GRM8: variants seen among roughly 807,000 people sequenced by gnomAD.
GRM8 encodes the protein metabotropic glutamate receptor 8.
Under a neutral mutation model 87.2 loss-of-function variants are expected in GRM8, and 47 were observed. The observed-to-expected ratio is 0.54, with a 90% CI of 0.43 to 0.69. GRM8 has a LOEUF of 0.69. GRM8 is among the 30% of genes least tolerant of loss of function. The probability of loss-of-function intolerance (pLI) is 0.00; values close to 1 mark genes in which losing one functional copy is unlikely to be tolerated. For missense variants in GRM8, 1,019 were observed against 1,139.2 expected, an observed-to-expected ratio of 0.89 and a Z score of 1.52; for synonymous variants, 396 against 404.5, an observed-to-expected ratio of 0.98 and a Z score of 0.25.
chr7:126,477,905 G>C (rs1806186221), intron 9 of GRM8, among the ~76,000 whole-genome samples: 1 of 152,050 alleles, frequency 6.6e-6, no homozygotes, highest in Admixed American at 6.6e-5. Context: ...TCAAAATCAA[G>C]GTGTTGGCCA....
chr7:126,515,768 T>C (rs550634281), intron 9 of GRM8, among the ~76,000 whole-genome samples: 2 of 152,214 alleles, frequency 1.3e-5, no homozygotes, highest in East Asian at 3.9e-4. Flanking sequence ...CTCTTCCATA[T>C]CTGAGACACA....
chr7:126,818,029 G>A (rs558424666), intron 6 of GRM8, among the ~76,000 whole-genome samples: 16 of 152,092 alleles, frequency 1.1e-4, no homozygotes, highest in Middle Eastern at 3.4e-3. Context: ...TTGCACATAA[G>A]TCTTAAACTT....
intron 7 of GRM8, among the ~76,000 whole-genome samples, chr7:126,635,305 G>C (rs1225370173): frequency 6.6e-6 from 1 of 152,082 alleles, no homozygotes; most frequent in African/African-American, 2.4e-5. Flanking sequence ...AAGAGTTAAT[G>C]CCTTATAGCT....
chr7:126,473,293 C>T (rs909127357), intron 9 of GRM8, among the ~76,000 whole-genome samples: 1 of 152,188 alleles, frequency 6.6e-6, no homozygotes, highest in African/African-American at 2.4e-5. Flanking sequence ...TACCCAAGAC[C>T]ATGGGAACCC....
At chr7:126,837,729 G>A (rs924725463) in intron 6 of GRM8, among the ~76,000 whole-genome samples, 4 of 152,196 alleles carry the variant, frequency 2.6e-5, no homozygotes, top group African/African-American at 9.7e-5. Flanking sequence ...GAAGATTTGT[G>A]ATGCTAAAAG....
chr7:126,447,887 G>C (rs1802193975), intron 9 of GRM8, among the ~76,000 whole-genome samples: 1 of 151,810 alleles, frequency 6.6e-6, no homozygotes, highest in Non-Finnish European at 1.5e-5. Context: ...GTTTAAGTGT[G>C]GAAAATGCTT....
intron 7 of GRM8, among the ~76,000 whole-genome samples, chr7:126,672,748 C>T (rs1806513152): frequency 6.6e-6 from 1 of 152,074 alleles, no homozygotes; most frequent in African/African-American, 2.4e-5. Context: ...CTTACCCCTC[C>T]CCTTGTTTCA....
At chr7:126,851,365 C>T (rs989534453) in intron 6 of GRM8, among the ~76,000 whole-genome samples, 4 of 152,060 alleles carry the variant, frequency 2.6e-5, no homozygotes, top group Admixed American at 6.5e-5. Context: ...CCACTTAAGT[C>T]GATTCTCAAC....
chr7:126,973,682 C>T (rs1231531783), intron 3 of GRM8, among the ~76,000 whole-genome samples: 1 of 152,098 alleles, frequency 6.6e-6, no homozygotes, highest in Non-Finnish European at 1.5e-5. Flanking sequence ...GATGTTGATG[C>T]AATCAATATT....
intron 6 of GRM8, among the ~76,000 whole-genome samples, chr7:126,896,320 A>G (rs1483677387): frequency 1.3e-5 from 2 of 152,030 alleles, no homozygotes; most frequent in Admixed American, 1.3e-4. Flanking sequence ...GAGCATATGG[A>G]TGGCTACCTG....
At chr7:127,233,260 A>G (rs1275943005) in intron 2 of GRM8, among the ~76,000 whole-genome samples, 2 of 152,332 alleles carry the variant, frequency 1.3e-5, no homozygotes, top group Admixed American at 1.3e-4. Flanking sequence ...AACCTATTTC[A>G]TATAATTCAT....
chr7:126,636,891 T>C (rs1281839971), intron 7 of GRM8, among the ~76,000 whole-genome samples: 2 of 152,122 alleles, frequency 1.3e-5, no homozygotes, highest in Non-Finnish European at 2.9e-5. Flanking sequence ...GGTTCTTTTT[T>C]CATTTTATTT....
intron 6 of GRM8, among the ~76,000 whole-genome samples, chr7:126,777,425 C>CA (rs770193311): frequency 2.0e-5 from 3 of 152,126 alleles, no homozygotes; most frequent in Non-Finnish European, 2.9e-5. Context: ...CTACGTGACT[C>CA]AAAACCTCTG....
At chr7:127,158,181 GT>G (rs1792858649) in intron 2 of GRM8, among the ~76,000 whole-genome samples, 2 of 152,164 alleles carry the variant, frequency 1.3e-5, no homozygotes, top group South Asian at 4.2e-4. Flanking sequence ...TAAAATTGCT[GT>G]TTTCAGAGAT....
At chr7:126,973,703 T>G (rs1810664061) in intron 3 of GRM8, among the ~76,000 whole-genome samples, 1 of 152,228 alleles carries the variant, frequency 6.6e-6, no homozygotes, top group African/African-American at 2.4e-5. Flanking sequence ...TCATTGATTC[T>G]AAGATGCCAT....
At chr7:127,008,820 A>T (rs1366245351) in intron 3 of GRM8, among the ~76,000 whole-genome samples, 2 of 152,128 alleles carry the variant, frequency 1.3e-5, no homozygotes, top group East Asian at 3.9e-4. Context: ...TAGTGAAAGT[A>T]AAATATATAT....
intron 7 of GRM8, among the ~76,000 whole-genome samples, chr7:126,613,978 G>A (rs1336037653): frequency 6.6e-6 from 1 of 152,342 alleles, no homozygotes; most frequent in African/African-American, 2.4e-5. Context: ...ACAAAAGGCA[G>A]CAGACCTCTG....
intron 8 of GRM8, among the ~76,000 whole-genome samples, chr7:126,556,337 TAAAAAAAAAAA>T (rs3038820): frequency 3.6e-5 from 4 of 111,318 alleles, no homozygotes; most frequent in South Asian, 3.4e-4. Flanking sequence ...TTCTCCTCTT[TAAAAAAAAAAA>T]AAAAAAAAAA....
intron 2 of GRM8, among the ~76,000 whole-genome samples, chr7:127,134,929 A>T (rs1827868716): frequency 6.6e-6 from 1 of 152,158 alleles, no homozygotes; most frequent in Non-Finnish European, 1.5e-5. Context: ...AACAATTTTT[A>T]AAAATGTATT....
Sources: gnomAD v4.1 joint callset for allele counts (sites outside exome capture counted in the v4.1 genomes callset) on GRCh38, gnomAD v4.1.1 for gene constraint, MANE v1.5 for transcripts, NCBI Gene and HGNC (gene_info 2026-07-23, HGNC 2026-07-21) for gene names.